The following LYPD6B variants were observed in gnomAD, a reference collection of about 807,000 sequenced individuals.
The protein encoded by LYPD6B is ly6/PLAUR domain-containing protein 6B.
LYPD6B carries 17 observed loss-of-function variants against 22.8 expected under a neutral mutation model. The observed-to-expected ratio is 0.75, with a 90% confidence interval of 0.51 to 1.12. The LOEUF is 1.12. LYPD6B is among the 50% of genes most tolerant of loss of function. The pLI, the probability that LYPD6B is intolerant of heterozygous loss-of-function variation, is 0.00. For missense variants in LYPD6B, 221 were observed against 258.3 expected (o/e 0.86, Z 0.99); for synonymous variants, 106 against 91.6 (o/e 1.16, Z -0.90).
At chr2:149,170,179 C>G (rs1272937206) in intron 3 of LYPD6B, among the ~76,000 whole-genome samples, 1 of 152,200 alleles carries the variant, frequency 6.6e-6, no homozygotes, top group African/African-American at 2.4e-5. Context: ...GGCAAAGATA[C>G]AGCTATGAAA....
At chr2:149,170,738 G>A (rs970226787) in intron 3 of LYPD6B, among the ~76,000 whole-genome samples, 2 of 152,124 alleles carry the variant, frequency 1.3e-5, no homozygotes, top group African/African-American at 4.8e-5. Flanking sequence ...AAGTTTGTGG[G>A]TTAATAGAAA....
At chr2:149,200,627 G>A (rs1693090187) in intron 3 of LYPD6B, 1 of 152,194 alleles carries the variant, frequency 6.6e-6, no homozygotes, top group Non-Finnish European at 1.5e-5. Context: ...CCCTGGAAGT[G>A]TAAAATGCCA....
intron 2 of LYPD6B, among the ~76,000 whole-genome samples, chr2:149,146,002 G>T (rs1208829263): frequency 6.6e-6 from 1 of 152,164 alleles, no homozygotes; most frequent in African/African-American, 2.4e-5. Flanking sequence ...GCAAACTAGG[G>T]CAGGGAAGAA....
chr2:149,186,815 T>A (rs1420195247), intron 3 of LYPD6B, among the ~76,000 whole-genome samples: 1 of 152,164 alleles, frequency 6.6e-6, no homozygotes, highest in Non-Finnish European at 1.5e-5. Context: ...TTTTGAAAAA[T>A]GTTCTATGGG....
At chr2:149,156,745 C>G (rs1689726941) in intron 2 of LYPD6B, among the ~76,000 whole-genome samples, 1 of 152,110 alleles carries the variant, frequency 6.6e-6, no homozygotes, top group Non-Finnish European at 1.5e-5. Context: ...TTCTGAGGTA[C>G]TAGGGATTAG....
At chr2:149,094,080 T>C (rs1685793037) in intron 1 of LYPD6B, among the ~76,000 whole-genome samples, 2 of 152,318 alleles carry the variant, frequency 1.3e-5, no homozygotes, top group South Asian at 2.1e-4. Flanking sequence ...CATAGTATAA[T>C]AAATGAGAAG....
At chr2:149,081,012 G>A (rs898471991) in intron 1 of LYPD6B, among the ~76,000 whole-genome samples, 1 of 152,148 alleles carries the variant, frequency 6.6e-6, no homozygotes, top group Non-Finnish European at 1.5e-5. Flanking sequence ...TAGGACGTTT[G>A]TAACCTCTAG....
At chr2:149,147,685 T>C (rs1037107272) in intron 2 of LYPD6B, among the ~76,000 whole-genome samples, 2 of 152,000 alleles carry the variant, frequency 1.3e-5, no homozygotes, top group African/African-American at 4.8e-5. Context: ...GGCTAATTTT[T>C]GTATTTTTAG....
In LYPD6B at chr2:149,075,321, C is replaced by A. The variant is rs79588090; in HGVS notation, c.-67+36520C>A. On this transcript the variant is annotated intron_variant, in intron 1 of 6. Transcript: ENST00000409642. ...TATTATAGTAATAGAAAAATGTAGA[C>A]ACAGACAATCAAGTGTAGATTGACT... 1.9e-3 allele frequency among the ~76,000 whole-genome samples: 282 copies of A among 152,250 alleles called. 1 individual carries two copies. Among genetic ancestry groups the A allele is most frequent in the African/African-American group, 6.4e-3 (267 of 41,548 alleles).
chr2:149,050,636 A>G (rs1292350070), intron 1 of LYPD6B, among the ~76,000 whole-genome samples: 1 of 152,234 alleles, frequency 6.6e-6, no homozygotes, highest in Non-Finnish European at 1.5e-5. Flanking sequence ...CTGCTGTGCC[A>G]GCACCACAGA....
chr2:149,075,642 T>C (rs1385265735), intron 1 of LYPD6B, among the ~76,000 whole-genome samples: 2 of 152,212 alleles, frequency 1.3e-5, no homozygotes, highest in African/African-American at 4.8e-5. Context: ...GAAGAACCTA[T>C]AACTAATGTG....
intron 3 of LYPD6B, chr2:149,188,766 A>G (rs1241590226): frequency 1.4e-6 from 1 of 701,802 alleles, no homozygotes; most frequent in South Asian, 6.4e-5. Context: ...AAGATGTTTC[A>G]TGTGGGTAGC....
chr2:149,078,866 G>T (rs1196977490), intron 1 of LYPD6B, among the ~76,000 whole-genome samples: 1 of 151,964 alleles, frequency 6.6e-6, no homozygotes, highest in East Asian at 1.9e-4. Flanking sequence ...AAATTAGCAG[G>T]GTGTGGTAGC....
In LYPD6B at chr2:149,067,530, CTA is replaced by C. The variant is rs1269202483; in HGVS notation, c.-67+28731_-67+28732del. Among the ~76,000 whole-genome samples the C allele has an allele frequency of 6.7e-5, 10 of 150,226 alleles. No individual in the cohort carries two copies. In the Admixed American group the frequency reaches 6.7e-4, roughly 10 times the overall value. ...ATTTGAAAAGTATGTATATTTTTTC[CTA>C]TCTTTTCTGTGTATAATTTTTTAAA... On this transcript the variant is annotated intron_variant, in intron 1 of 6. Coordinates refer to ENST00000409642, the MANE Select transcript of LYPD6B (RefSeq NM_177964.5).
intron 1 of LYPD6B, among the ~76,000 whole-genome samples, chr2:149,086,569 G>C (rs1685401877): frequency 6.6e-6 from 1 of 152,206 alleles, no homozygotes; most frequent in African/African-American, 2.4e-5. Flanking sequence ...TCAGAGCCAG[G>C]ACAAAGGGTA....
chr2:149,057,753 G>T (rs1574887784), intron 1 of LYPD6B, among the ~76,000 whole-genome samples: 1 of 152,174 alleles, frequency 6.6e-6, no homozygotes, highest in Admixed American at 6.5e-5. Flanking sequence ...TGCAACAGAA[G>T]AGGAAAGGGG....
intron 1 of LYPD6B, among the ~76,000 whole-genome samples, chr2:149,120,349 A>ATGTGTGTG (rs1191177878): frequency 2.0e-5 from 2 of 99,706 alleles, no homozygotes; most frequent in African/African-American, 1.0e-4. Flanking sequence ...GTATATATAT[A>ATGTGTGTG]TGTGTGTGTG....
At chr2:149,201,709 C>A (rs1432050983) in intron 3 of LYPD6B, among the ~76,000 whole-genome samples, 1 of 152,208 alleles carries the variant, frequency 6.6e-6, no homozygotes, top group Non-Finnish European at 1.5e-5. Flanking sequence ...GTACTTTCCT[C>A]ACTTGACAGG....
intron 2 of LYPD6B, among the ~76,000 whole-genome samples, chr2:149,150,820 ATCT>A (rs1347378132): frequency 6.6e-6 from 1 of 151,868 alleles, no homozygotes. Flanking sequence ...TCGTGTACTG[ATCT>A]TCTGTGCCTT....
Sources: allele counts gnomAD v4.1 joint callset (sites outside exome capture counted in the v4.1 genomes callset), GRCh38; gene constraint gnomAD v4.1.1; transcripts MANE v1.5; gene names NCBI Gene and HGNC (gene_info 2026-07-23, HGNC 2026-07-21).